Variants in SASS6 observed in about 807,000 individuals in gnomAD.
SASS6 encodes the protein spindle assembly abnormal protein 6 homolog.
Under a neutral mutation model 94.9 loss-of-function variants are expected in SASS6, and 59 were observed. That is an observed-to-expected ratio of 0.62 (90% CI 0.50 to 0.77). The LOEUF (loss-of-function observed/expected upper bound fraction) is 0.77, where lower values mean the gene tolerates loss of function less well. Among genes scored for constraint, SASS6 ranks in the 30% least tolerant of loss-of-function variants. The probability of loss-of-function intolerance (pLI) is 0.00; values close to 1 mark genes in which losing one functional copy is unlikely to be tolerated. For synonymous variants in SASS6, 264 were observed against 270.0 expected (o/e 0.98, Z 0.22); for missense variants, 698 against 734.1 (o/e 0.95, Z 0.57).
In SASS6 at chr1:100,132,889, G is replaced by T. The variant is rs1655198886; in HGVS notation, c.-75C>A. 5 of 1,384,846 alleles carry T rather than the reference G, an allele frequency of 3.6e-6. No homozygotes were observed. In the East Asian group the frequency reaches 1.1e-4, roughly 32 times the overall value. 85.8% of individuals were successfully genotyped at this position (1,384,846 alleles called of 1,614,324 possible). On this transcript the variant is annotated 5_prime_UTR_variant, in exon 1 of 17. Transcript: ENST00000287482. ...CCTCGGGATTAGCCTGAGAGGTCCGGGTCCTGATAAAGTTTGAGTTTGGCG... is the reference window on the plus strand; with the variant it reads ...CCTCGGGATTAGCCTGAGAGGTCCGTGTCCTGATAAAGTTTGAGTTTGGCG...
chr1:100,091,427 A>T (rs1651672998), intron 14 of SASS6, among the ~76,000 whole-genome samples: 1 of 152,120 alleles, frequency 6.6e-6, no homozygotes, highest in South Asian at 2.1e-4. Context: ...GGGATCTCAT[A>T]ATATTCTAAT....
chr1:100,128,641 T>C (rs1425016109), intron 1 of SASS6, among the ~76,000 whole-genome samples: 2 of 152,178 alleles, frequency 1.3e-5, no homozygotes, highest in African/African-American at 4.8e-5. Flanking sequence ...ATCACAAATC[T>C]TATTTTTTCC....
chr1:100,118,608 G>A (rs187075387), intron 7 of SASS6, among the ~76,000 whole-genome samples: 1 of 152,200 alleles, frequency 6.6e-6, no homozygotes, highest in East Asian at 1.9e-4. Context: ...TGAATACTCT[G>A]CAGTCACTAA....
At chr1:100,114,581 G>C (rs1035276439) in intron 7 of SASS6, among the ~76,000 whole-genome samples, 4 of 151,746 alleles carry the variant, frequency 2.6e-5, no homozygotes, top group Admixed American at 2.6e-4. Flanking sequence ...ATCTAGGCCT[G>C]GTGGTCTGTA....
At chr1:100,095,715 T>C (rs1429693262) in intron 14 of SASS6, among the ~76,000 whole-genome samples, 3 of 152,152 alleles carry the variant, frequency 2.0e-5, no homozygotes, top group African/African-American at 7.2e-5. Flanking sequence ...TAAATGAGTT[T>C]AGCAAGGTTT....
intron 14 of SASS6, among the ~76,000 whole-genome samples, chr1:100,090,828 C>T (rs1186359795): frequency 1.3e-5 from 2 of 152,050 alleles, no homozygotes; most frequent in Non-Finnish European, 2.9e-5. Context: ...AGAGAAAACT[C>T]AAGGGAGAAA....
chr1:100,127,529 T>C (rs1316930461), intron 1 of SASS6, among the ~76,000 whole-genome samples: 2 of 152,372 alleles, frequency 1.3e-5, no homozygotes, highest in South Asian at 2.1e-4. Context: ...AGGTTAAATG[T>C]TACCTCATAA....
Position 100,114,887 on chromosome 1 carries a change from A to C in SASS6, c.669+4131T>G, listed in dbSNP as rs533399904. ...TTTACTACACTATTAAAGGGGAAAAATGACGTAATTATTTGGTTAGATCCC... is the reference window on the plus strand; with the variant it reads ...TTTACTACACTATTAAAGGGGAAAACTGACGTAATTATTTGGTTAGATCCC... On this transcript the variant is annotated intron_variant, in intron 7 of 16. Transcript: ENST00000287482. 2.3e-3 allele frequency among the ~76,000 whole-genome samples: 351 copies of C among 152,276 alleles called. 1 individual carries two copies. Among genetic ancestry groups the C allele is most frequent in the African/African-American group, 7.6e-3 (315 of 41,568 alleles).
chr1:100,104,674 G>C (rs1465718173), intron 13 of SASS6, among the ~76,000 whole-genome samples: 1 of 151,842 alleles, frequency 6.6e-6, no homozygotes, highest in Non-Finnish European at 1.5e-5. Context: ...TGCCCAGGCT[G>C]ACCTCTTGAA....
In SASS6 at chr1:100,110,291, C is replaced by A; in HGVS notation, c.861+1G>T. 2.6e-6 allele frequency: 4 copies of A among 1,539,056 alleles called. No homozygotes were observed. Among genetic ancestry groups the A allele is most frequent in the Non-Finnish European group, 2.6e-6 (3 of 1,144,332 alleles). ...GGAGGAAAAAAAACAACATTCAATA[C>A]CTCTTCAACACCAGAAAGTTTTGCT... On this transcript the variant is annotated splice_donor_variant, in intron 8 of 16. Coordinates refer to ENST00000287482, the MANE Select transcript of SASS6 (RefSeq NM_194292.3). LOFTEE classifies it high-confidence loss of function.
chr1:100,131,235 G>C (rs765550538), intron 1 of SASS6, among the ~76,000 whole-genome samples: 18 of 147,364 alleles, frequency 1.2e-4, no homozygotes, highest in Non-Finnish European at 2.2e-4. Context: ...CTATCACCCA[G>C]GCTGGAGTAC....
chr1:100,119,804 T>A (rs185558136), intron 6 of SASS6, among the ~76,000 whole-genome samples: 1 of 152,168 alleles, frequency 6.6e-6, no homozygotes. Flanking sequence ...AGGTCCCCAC[T>A]AGAAGCCAAG....
rs780523206 is a variant in SASS6, at chr1:100,085,330, A to C, written c.1972T>G (p.Ter658GluextTer2). ...AAAAGTAAAACATGACACTAGAATT[A>C]ACTGTTTGGTAACTGCCCAGGGAAA... ...AYFPGQLPNS[*>E] Residue 658 changes from the stop codon to glutamate, a stop_lost, in exon 17 of 17, where the codon TAA (stop) becomes GAA (glutamate). Coordinates refer to ENST00000287482, the MANE Select transcript of SASS6 (RefSeq NM_194292.3). 1 of 1,592,624 alleles carries C rather than the reference A, an allele frequency of 6.3e-7. No individual in the cohort carries two copies. The highest frequency in any genetic ancestry group is 1.1e-5 in the South Asian group (1 of 90,636).
In SASS6 at chr1:100,101,241, G is replaced by A. The variant is rs191389441; in HGVS notation, c.1674+1714C>T. ...CCGCCTTCTTAACCAATAATTATAC[G>A]GCATATAGTATTTCAGTAGTATATG... On this transcript the variant is annotated intron_variant, in intron 14 of 16. Coordinates refer to ENST00000287482, the MANE Select transcript of SASS6 (RefSeq NM_194292.3). Among the ~76,000 whole-genome samples, 9 of 151,580 alleles carry A rather than the reference G, an allele frequency of 5.9e-5. No homozygotes were observed. In the South Asian group the frequency reaches 8.3e-4, roughly 14 times the overall value.
At chr1:100,130,472 G>C (rs997295870) in intron 1 of SASS6, among the ~76,000 whole-genome samples, 6 of 152,112 alleles carry the variant, frequency 3.9e-5, no homozygotes, top group Non-Finnish European at 2.9e-5. Context: ...CTTGAGCCCA[G>C]GTGTTCAAGA....
chr1:100,093,607 C>T (rs867947515), intron 14 of SASS6, among the ~76,000 whole-genome samples: 30 of 151,754 alleles, frequency 2.0e-4, no homozygotes, highest in African/African-American at 5.6e-4. Flanking sequence ...CAAAAAAATA[C>T]GAAAATTAGG....
chr1:100,092,816 C>T (rs916745857), intron 14 of SASS6, among the ~76,000 whole-genome samples: 2 of 151,928 alleles, frequency 1.3e-5, no homozygotes, highest in African/African-American at 2.4e-5. Context: ...ACCTTGTGAT[C>T]CACGTGCCTC....
chr1:100,114,792 C>T (rs185578819), intron 7 of SASS6, among the ~76,000 whole-genome samples: 8 of 151,984 alleles, frequency 5.3e-5, no homozygotes, highest in South Asian at 2.1e-4. Flanking sequence ...TATTAAAAAT[C>T]GCTATGACTA....
Position 100,110,278 on chromosome 1 carries a change from A to AG in SASS6, c.861+13_861+14insC. On this transcript the variant is annotated intron_variant, in intron 8 of 16. Coordinates refer to ENST00000287482, the MANE Select transcript of SASS6 (RefSeq NM_194292.3). The stretch of plus-strand genomic sequence containing the variant: ...CTCTTAAATTGGGGGAGGAAAAAAA[A>AG]CAACATTCAATACCTCTTCAACACC... 6.7e-7 allele frequency: 1 copy of AG among 1,485,324 alleles called. No individual in the cohort carries two copies. 92.0% of individuals were successfully genotyped at this position (1,485,324 alleles called of 1,614,324 possible).
Sources: gnomAD v4.1 joint callset for allele counts (sites outside exome capture counted in the v4.1 genomes callset) on GRCh38, gnomAD v4.1.1 for gene constraint, MANE v1.5 for transcripts, NCBI Gene and HGNC (gene_info 2026-07-23, HGNC 2026-07-21) for gene names.